NET1: variants seen among roughly 807,000 people sequenced by gnomAD.
NET1 encodes the protein neuroepithelial cell-transforming gene 1 protein.
Under a neutral mutation model 61.1 loss-of-function variants are expected in NET1, and 42 were observed. The ratio of observed to expected loss-of-function variants is 0.69; its 90% CI spans 0.54 to 0.89. NET1 has a LOEUF of 0.89. Ranked by LOEUF, NET1 falls within the 40% of genes least tolerant of loss-of-function variation. The pLI, the probability that NET1 is intolerant of heterozygous loss-of-function variation, is 0.00. For synonymous variants in NET1, 254 were observed against 281.8 expected (o/e 0.90, Z 0.99); for missense variants, 654 against 747.3 (o/e 0.88, Z 1.46).
Position 5,417,809 on chromosome 10 carries a change from T to C in NET1, c.128+4989T>C, listed in dbSNP as rs1009186436. On this transcript the variant is annotated intron_variant, in intron 1 of 11. Transcript: ENST00000355029. This position sits in a 1 kb window ranked among gnomAD's most constrained non-coding sequence, Gnocchi z 5.5. ...ATTAAGTATGATGTTAGTTGTAAGC[T>C]TTGTAGATGTCCTTTATCAGGTTGA... 6.6e-6 allele frequency among the ~76,000 whole-genome samples: 1 copy of C among 152,214 alleles called. No homozygotes were observed. The highest frequency in any genetic ancestry group is 2.4e-5 in the African/African-American group (1 of 41,460).
rs144870918 is a variant in NET1, at chr10:5,431,938, C to G, written c.255+2709C>G. Reference sequence around the variant, plus strand: ...TTATTCTTACTGATGCCTCACATATCTGTCTTTGGCTGTTGGATGCTGTTT... The same window carrying G: ...TTATTCTTACTGATGCCTCACATATGTGTCTTTGGCTGTTGGATGCTGTTT... On this transcript the variant is annotated intron_variant, in intron 3 of 11. Transcript: ENST00000355029. This position sits in a 1 kb window ranked among gnomAD's most constrained non-coding sequence, Gnocchi z 4.9. Among the ~76,000 whole-genome samples the G allele has an allele frequency of 9.4e-4, 143 of 152,266 alleles. No homozygotes were observed. The highest frequency in any genetic ancestry group is 3.3e-3 in the African/African-American group (138 of 41,554).
rs368937064 is a variant in NET1, at chr10:5,452,820, C to T, written c.532-38C>T. 1.3e-3 allele frequency: 2,044 copies of T among 1,583,844 alleles called. 1 individual carries two copies. The highest frequency in any genetic ancestry group is 1.6e-3 in the Non-Finnish European group (1,920 of 1,164,828). ...TCAGTTGTATATAATTTTCCTTTCT[C>T]GAAGGAATGACCTCTGATGTTTGCT... On this transcript the variant is annotated intron_variant, in intron 5 of 11. Transcript: ENST00000355029. This position sits in a 1 kb window ranked among gnomAD's most constrained non-coding sequence, Gnocchi z 4.0.
chr10:5,427,749 A>G lies in NET1; in HGVS notation c.195+1028A>G, dbSNP rs954099445. Among the ~76,000 whole-genome samples, 5 of 152,160 alleles carry G rather than the reference A, an allele frequency of 3.3e-5. No homozygotes were observed. Among genetic ancestry groups the G allele is most frequent in the African/African-American group, 1.2e-4 (5 of 41,450 alleles). Reference sequence around the variant, plus strand: ...GCTCAATTCAAAACAGTGTGTTATAATTTTGCTCTGCTGCTTTGAGCATTT... The same window carrying G: ...GCTCAATTCAAAACAGTGTGTTATAGTTTTGCTCTGCTGCTTTGAGCATTT... On this transcript the variant is annotated intron_variant, in intron 2 of 11. Coordinates refer to ENST00000355029, the MANE Select transcript of NET1 (RefSeq NM_001047160.3). The surrounding 1 kb of genome is among the most constrained non-coding windows in gnomAD (Gnocchi z 4.1).
At position 5,444,490 on chromosome 10, in the gene NET1, C is replaced by A. The variant is rs1025825028; in HGVS notation, c.256-7340C>A. ...CTGTCTTTACTCCACTGAAATAGCACACTTGAGATCCTCATTAAACTTGTA... is the reference window on the plus strand; with the variant it reads ...CTGTCTTTACTCCACTGAAATAGCAAACTTGAGATCCTCATTAAACTTGTA... On this transcript the variant is annotated intron_variant, in intron 3 of 11. Transcript: ENST00000355029. This position sits in a 1 kb window ranked among gnomAD's most constrained non-coding sequence, Gnocchi z 5.3. Among the ~76,000 whole-genome samples the A allele has an allele frequency of 2.6e-5, 4 of 152,218 alleles. No homozygotes were observed. The highest frequency in any genetic ancestry group is 9.7e-5 in the African/African-American group (4 of 41,450).
Position 5,446,561 on chromosome 10 carries a change from G to T in NET1, c.256-5269G>T. The T allele has an allele frequency of 1.0e-5, 12 of 1,163,252 alleles. No individual in the cohort carries two copies. Among genetic ancestry groups the T allele is most frequent in the Non-Finnish European group, 1.3e-5 (12 of 944,408 alleles). 72.1% of individuals were successfully genotyped at this position (1,163,252 alleles called of 1,614,324 possible). A position where few individuals can be genotyped will look rare whatever the true frequency, so the allele number is the denominator to read the frequency against. On this transcript the variant is annotated intron_variant, in intron 3 of 11. Transcript: ENST00000355029. This position sits in a 1 kb window ranked among gnomAD's most constrained non-coding sequence, Gnocchi z 5.0. ...CCGCCCCCAGGGCCCGGTTGGCTGT[G>T]GCCCCGCCCCCGAGCCCTGGGGTCG...
chr10:5,425,039 T>G (rs760590811), intron 1 of NET1, among the ~76,000 whole-genome samples: 1 of 152,236 alleles, frequency 6.6e-6, no homozygotes, highest in South Asian at 2.1e-4. Context: ...AGGCCTTTCA[T>G]GATGCTTTAG....
At chr10:5,425,214 C>T (rs970531843) in intron 1 of NET1, among the ~76,000 whole-genome samples, 9 of 152,026 alleles carry the variant, frequency 5.9e-5, no homozygotes, top group African/African-American at 2.2e-4. Context: ...TTCCAGACCT[C>T]CTCTTTTACC....
At chr10:5,413,311 G>A (rs931579505) in intron 1 of NET1, among the ~76,000 whole-genome samples, 1 of 152,208 alleles carries the variant, frequency 6.6e-6, no homozygotes, top group African/African-American at 2.4e-5. Flanking sequence ...TGAGCACCAC[G>A]AGAATGGGCT....
In NET1 at chr10:5,415,734, T is replaced by G. The variant is rs1306638023; in HGVS notation, c.128+2914T>G. ...GATTACAGGCGTGAGCCACCGCACC[T>G]GGCCCTGTTCATTTTTAAATTTCTT... On this transcript the variant is annotated intron_variant, in intron 1 of 11. Transcript: ENST00000355029. The surrounding 1 kb of genome is among the most constrained non-coding windows in gnomAD (Gnocchi z 4.7). 6.6e-6 allele frequency among the ~76,000 whole-genome samples: 1 copy of G among 152,194 alleles called. No homozygotes were observed. The highest frequency in any genetic ancestry group is 2.4e-5 in the African/African-American group (1 of 41,452).
rs1380558860 is a variant in NET1, at chr10:5,453,346, G to A, written c.691G>A (p.Asp231Asn). The A allele has an allele frequency of 6.2e-7, 1 of 1,601,010 alleles. No individual in the cohort carries two copies. Among genetic ancestry groups the A allele is most frequent in the Non-Finnish European group, 8.6e-7 (1 of 1,168,092 alleles). ...DLDSYIPLHEDLLTRIGEATK... is the reference protein window; with the variant it reads ...DLDSYIPLHENLLTRIGEATK... ...GGACTCTTACATACCTCTGCATGAAGGTTAGATGTGCCACTTAATTGTCAT... is the reference window on the plus strand; with the variant it reads ...GGACTCTTACATACCTCTGCATGAAAGTTAGATGTGCCACTTAATTGTCAT... The change falls in exon 7 of 12, where the codon GAT becomes AAT. Residue 231 changes from aspartate (D) to asparagine (N), a missense_variant and splice_region_variant. Coordinates refer to ENST00000355029, the MANE Select transcript of NET1 (RefSeq NM_001047160.3). This position sits in a 1 kb window ranked among gnomAD's most constrained non-coding sequence, Gnocchi z 4.9.
Position 5,444,661 on chromosome 10 carries a change from T to G in NET1, c.256-7169T>G, listed in dbSNP as rs1164214134. ...TCCTTCCCTTGGCTTTCCTCCAAAG[T>G]TAGATCCTTGGACCATGTTCTTTTT... is the stretch of plus-strand genomic sequence containing the variant. On this transcript the variant is annotated intron_variant, in intron 3 of 11. Coordinates refer to ENST00000355029, the MANE Select transcript of NET1 (RefSeq NM_001047160.3). The surrounding 1 kb of genome is among the most constrained non-coding windows in gnomAD (Gnocchi z 5.3). Among the ~76,000 whole-genome samples, 2 of 152,226 alleles carry G rather than the reference T, an allele frequency of 1.3e-5. No individual in the cohort carries two copies. The highest frequency in any genetic ancestry group is 2.9e-5 in the Non-Finnish European group (2 of 68,040).
rs1199264038 is a variant in NET1, at chr10:5,439,764, C to A, written c.255+10535C>A. Among the ~76,000 whole-genome samples, 1 of 152,246 alleles carries A rather than the reference C, an allele frequency of 6.6e-6. No individual in the cohort carries two copies. The highest frequency in any genetic ancestry group is 1.5e-5 in the Non-Finnish European group (1 of 68,052). ...GCCTTGCCAGAGCATCACACAGCAT[C>A]TTTGTCTACCATAAATACCCAACCT... is the stretch of plus-strand genomic sequence containing the variant. On this transcript the variant is annotated intron_variant, in intron 3 of 11. Transcript: ENST00000355029. The surrounding 1 kb of genome is among the most constrained non-coding windows in gnomAD (Gnocchi z 4.8).
rs138440839 is a variant in NET1 at position 5,447,891 on chromosome 10, G to A, written c.256-3939G>A. 1.3e-3 allele frequency among the ~76,000 whole-genome samples: 198 copies of A among 152,272 alleles called. No individual in the cohort carries two copies. Among genetic ancestry groups the A allele is most frequent in the African/African-American group, 4.4e-3 (182 of 41,554 alleles). ...TGAATCCTGCAGCTTATCATCTGTT[G>A]GGCCCATAGAAGCTGGCCTTTGTTT... On this transcript the variant is annotated intron_variant, in intron 3 of 11. Coordinates refer to ENST00000355029, the MANE Select transcript of NET1 (RefSeq NM_001047160.3). This position sits in a 1 kb window ranked among gnomAD's most constrained non-coding sequence, Gnocchi z 4.1.
Position 5,455,938 on chromosome 10 carries a change from C to T in NET1, c.1198-149C>T, listed in dbSNP as rs1039633066. ...AGAACATGCTTAGCCTTGAAATTGCCATCTTTATGGATTACTAGATTTGTC... is the reference window on the plus strand; with the variant it reads ...AGAACATGCTTAGCCTTGAAATTGCTATCTTTATGGATTACTAGATTTGTC... On this transcript the variant is annotated intron_variant, in intron 10 of 11. Coordinates refer to ENST00000355029, the MANE Select transcript of NET1 (RefSeq NM_001047160.3). The surrounding 1 kb of genome is among the most constrained non-coding windows in gnomAD (Gnocchi z 6.5). The T allele has an allele frequency of 1.4e-6, 1 of 717,448 alleles. No individual in the cohort carries two copies. Among genetic ancestry groups the T allele is most frequent in the Non-Finnish European group, 2.2e-6 (1 of 462,308 alleles). 44.4% of individuals were successfully genotyped at this position (717,448 alleles called of 1,614,324 possible).
At chr10:5,418,252 A>G in intron 1 of NET1, among the ~76,000 whole-genome samples, 1 of 151,912 alleles carries the variant, frequency 6.6e-6, no homozygotes, top group East Asian at 1.9e-4. Flanking sequence ...GTTTGGTAGA[A>G]TTCAGTGTAA....
intron 3 of NET1, among the ~76,000 whole-genome samples, chr10:5,436,265 T>A (rs1832437408): frequency 8.2e-6 from 1 of 122,014 alleles, no homozygotes; most frequent in Non-Finnish European, 1.7e-5. Context: ...TTTTTTTTTT[T>A]TTTTTTTTTT....
chr10:5,437,665 A>G lies in NET1; in HGVS notation c.255+8436A>G, dbSNP rs934125903. On this transcript the variant is annotated intron_variant, in intron 3 of 11. Coordinates refer to ENST00000355029, the MANE Select transcript of NET1 (RefSeq NM_001047160.3). This position sits in a 1 kb window ranked among gnomAD's most constrained non-coding sequence, Gnocchi z 4.3. ...CCCTTTTCAACTCTGTATTTTCCCT[A>G]GTATTTTTTTTTTTAACCAACTATT... is the stretch of plus-strand genomic sequence containing the variant. Among the ~76,000 whole-genome samples, 20 of 30,720 alleles carry G rather than the reference A, an allele frequency of 6.5e-4. No individual in the cohort carries two copies. Among genetic ancestry groups the G allele is most frequent in the African/African-American group, 1.7e-3 (18 of 10,856 alleles). The allele number at this position is 30,720 out of a possible 152,430, so 20.2% of individuals were successfully genotyped here. A position where few individuals can be genotyped will look rare whatever the true frequency, so the allele number is the denominator to read the frequency against.
rs548049671 is a variant in NET1 at position 5,427,148 on chromosome 10, C to T, written c.195+427C>T. On this transcript the variant is annotated intron_variant, in intron 2 of 11. Coordinates refer to ENST00000355029, the MANE Select transcript of NET1 (RefSeq NM_001047160.3). This position sits in a 1 kb window ranked among gnomAD's most constrained non-coding sequence, Gnocchi z 4.1. Reference sequence around the variant, plus strand: ...GATTTTCTGCTATTAATCATCTCAGCATAGAGGGACTCTATTATTTTTATA... The same window carrying T: ...GATTTTCTGCTATTAATCATCTCAGTATAGAGGGACTCTATTATTTTTATA... 4.0e-5 allele frequency among the ~76,000 whole-genome samples: 6 copies of T among 151,876 alleles called. No homozygotes were observed. Among genetic ancestry groups the T allele is most frequent in the Non-Finnish European group, 7.4e-5 (5 of 67,950 alleles).
intron 1 of NET1, among the ~76,000 whole-genome samples, chr10:5,419,179 A>G (rs1832126669): frequency 6.6e-6 from 1 of 152,150 alleles, no homozygotes; most frequent in African/African-American, 2.4e-5. Context: ...GTTTGATGTT[A>G]ATATAGCTAC....
Sources: allele counts gnomAD v4.1 joint callset (sites outside exome capture counted in the v4.1 genomes callset), GRCh38; gene constraint gnomAD v4.1.1; non-coding constraint Gnocchi (gnomAD v3.1); transcripts MANE v1.5; gene names NCBI Gene and HGNC (gene_info 2026-07-23, HGNC 2026-07-21).